ADGRV1: variants seen among roughly 807,000 people sequenced by gnomAD.
The protein encoded by ADGRV1 is adhesion G protein-coupled receptor V1, also known as G-protein coupled receptor 98.
A neutral mutation model predicts 596.2 loss-of-function variants in ADGRV1; 359 were observed. The ratio of observed to expected loss-of-function variants is 0.60; its 90% confidence interval spans 0.55 to 0.66. ADGRV1 has a LOEUF of 0.66. Among genes scored for constraint, ADGRV1 ranks in the 30% least tolerant of loss-of-function variants. ADGRV1 has a pLI of 0.00. For synonymous variants in ADGRV1, 2,681 were observed against 2,679.2 expected (o/e 1.00, Z -0.02); for missense variants, 7,274 against 7,575.6 (o/e 0.96, Z 1.48).
At chr5:90,994,818 A>T (rs1018386318) in intron 85 of ADGRV1, among the ~76,000 whole-genome samples, 4 of 152,268 alleles carry the variant, frequency 2.6e-5, no homozygotes, top group Middle Eastern at 3.4e-3. Context: ...TCATTAATTT[A>T]GTGGTCAGCT....
chr5:90,745,078 G>A lies in ADGRV1; in HGVS notation c.10582G>A (p.Ala3528Thr), dbSNP rs756656097. Residue 3528 changes from alanine (A) to threonine (T), a missense_variant, in exon 51 of 90, where the codon GCT (alanine) becomes ACT (threonine). By Grantham distance (58) the Ala-to-Thr change is moderately conservative. This residue lies in a region of ADGRV1 where 3,643 missense variants were observed against 3,809.2 expected (regional missense o/e 0.96). Coordinates refer to ENST00000405460, the MANE Select transcript of ADGRV1 (RefSeq NM_032119.4). ...ACTTCTTATTGGCCAAGATATGTCT[G>A]CTCTTTACTGCTGGAATTCGGAGCG... ...HILLIGQDMS[A>T]LYCWNSERNQ... The A allele has an allele frequency of 8.1e-6, 13 of 1,613,528 alleles. No individual in the cohort carries two copies. In the South Asian group the frequency reaches 1.1e-4, roughly 14 times the overall value.
chr5:90,667,669 T>C (rs535814737), intron 21 of ADGRV1, among the ~76,000 whole-genome samples: 1 of 152,084 alleles, frequency 6.6e-6, no homozygotes, highest in African/African-American at 2.4e-5. Flanking sequence ...TGCGTTCCTT[T>C]GGAGGAGGAG....
At chr5:90,794,519 A>G (rs1485365393) in intron 70 of ADGRV1, among the ~76,000 whole-genome samples, 2 of 152,236 alleles carry the variant, frequency 1.3e-5, no homozygotes, top group African/African-American at 4.8e-5. Flanking sequence ...AGATACGAAG[A>G]TGACTGAGAA....
intron 13 of ADGRV1, 126 bp downstream of exon 13, chr5:90,643,167 G>GT (rs1234146608): frequency 2.4e-6 from 2 of 845,330 alleles, no homozygotes; most frequent in Admixed American, 6.2e-5. Context: ...AGACTGAGAA[G>GT]TACATAGATT....
intron 76 of ADGRV1, among the ~76,000 whole-genome samples, chr5:90,824,996 C>A (rs968363176): frequency 6.6e-6 from 1 of 151,800 alleles, no homozygotes; most frequent in African/African-American, 2.4e-5. Flanking sequence ...CAGTGCAGTG[C>A]TGTGATCTCG....
intron 74 of ADGRV1, among the ~76,000 whole-genome samples, 168 bp downstream of exon 74, chr5:90,811,506 G>C (rs758241711): frequency 7.9e-5 from 12 of 152,148 alleles, no homozygotes; most frequent in Admixed American, 1.3e-4. Context: ...ATGAACTCAT[G>C]ATGTGCTGTT....
intron 85 of ADGRV1, among the ~76,000 whole-genome samples, chr5:90,995,996 A>G (rs142720059): frequency 1.8e-4 from 28 of 152,358 alleles, no homozygotes; most frequent in African/African-American, 6.5e-4. Flanking sequence ...TCATTTGCAT[A>G]AAGAAATGAC....
At chr5:90,814,900 T>C (rs1191090266) in intron 74 of ADGRV1, among the ~76,000 whole-genome samples, 1 of 152,182 alleles carries the variant, frequency 6.6e-6, no homozygotes, top group Non-Finnish European at 1.5e-5. Flanking sequence ...GTGGTATTTC[T>C]CTAGTCTGAG....
At chr5:90,931,605 G>C (rs1775258249) in intron 83 of ADGRV1, among the ~76,000 whole-genome samples, 1 of 152,134 alleles carries the variant, frequency 6.6e-6, no homozygotes, top group South Asian at 2.1e-4. Context: ...AAATCATTTT[G>C]CTTATGTGCC....
At chr5:90,875,137 G>A (rs1220143187) in intron 83 of ADGRV1, among the ~76,000 whole-genome samples, 2 of 152,144 alleles carry the variant, frequency 1.3e-5, no homozygotes, top group African/African-American at 4.8e-5. Context: ...CTATGATTGT[G>A]AATTATGATT....
At chr5:90,612,412 G>A (rs1317586423) in intron 1 of ADGRV1, among the ~76,000 whole-genome samples, 1 of 151,946 alleles carries the variant, frequency 6.6e-6, no homozygotes, top group Admixed American at 6.6e-5. Flanking sequence ...TATTCAAGGT[G>A]GTGATGTGTG....
At chr5:90,753,539 AAAAT>A (rs1219609445) in intron 53 of ADGRV1, 31 bp from the exon 54 acceptor site, 3 of 1,510,624 alleles carry the variant, frequency 2.0e-6, no homozygotes, top group Non-Finnish European at 2.7e-6. Flanking sequence ...TGACAATTAC[AAAAT>A]AAATAACATC....
chr5:91,068,545 C>CAA (rs35324720), intron 85 of ADGRV1, among the ~76,000 whole-genome samples: 10 of 144,602 alleles, frequency 6.9e-5, no homozygotes, highest in African/African-American at 2.5e-4. Context: ...GAGGCACTCA[C>CAA]AAAAAAAAAA....
chr5:90,963,886 G>A (rs1000768891), intron 83 of ADGRV1, among the ~76,000 whole-genome samples: 5 of 150,494 alleles, frequency 3.3e-5, no homozygotes, highest in African/African-American at 9.8e-5. Context: ...TAATTTACAG[G>A]CAATATCAAT....
intron 58 of ADGRV1, chr5:90,760,040 C>T (rs1255563635): frequency 2.6e-5 from 4 of 151,900 alleles, no homozygotes; most frequent in Admixed American, 1.3e-4. Context: ...TTTGGGAGGC[C>T]GAGGCGGGCG....
intron 85 of ADGRV1, among the ~76,000 whole-genome samples, chr5:90,986,809 G>A (rs1780535776): frequency 6.6e-6 from 1 of 152,194 alleles, no homozygotes; most frequent in Non-Finnish European, 1.5e-5. Context: ...GGACTGCCAG[G>A]ATTAATTTCA....
chr5:90,930,243 C>CT (rs1775102504), intron 83 of ADGRV1, among the ~76,000 whole-genome samples: 1 of 152,144 alleles, frequency 6.6e-6, no homozygotes, highest in Non-Finnish European at 1.5e-5. Context: ...TTAGAAACAT[C>CT]GATGCCAATA....
intron 87 of ADGRV1, among the ~76,000 whole-genome samples, chr5:91,134,190 C>CTT (rs765170987): frequency 2.1e-5 from 3 of 142,192 alleles, no homozygotes; most frequent in Non-Finnish European, 3.1e-5. Flanking sequence ...CTGTTTCTTT[C>CTT]TTTTTTTTTT....
chr5:90,577,981 G>A (rs1021768359), intron 1 of ADGRV1, among the ~76,000 whole-genome samples: 2 of 152,224 alleles, frequency 1.3e-5, no homozygotes, highest in Admixed American at 6.5e-5. Flanking sequence ...AGACTTTGCT[G>A]AAGTTGCTTA....
Sources: allele counts gnomAD v4.1 joint callset (sites outside exome capture counted in the v4.1 genomes callset), GRCh38; gene constraint gnomAD v4.1.1; regional missense constraint gnomAD v4.1.1; transcripts MANE v1.5; gene names NCBI Gene and HGNC (gene_info 2026-07-23, HGNC 2026-07-21).